The following RIF1 variants were observed in gnomAD, a reference collection of about 807,000 sequenced individuals.
RIF1 encodes replication timing regulatory factor 1.
A neutral mutation model predicts 247.1 loss-of-function variants in RIF1; 45 were observed. The observed-to-expected ratio is 0.18, with a 90% confidence interval of 0.14 to 0.23. The LOEUF (loss-of-function observed/expected upper bound fraction) is 0.23, where lower values mean the gene tolerates loss of function less well. Ranked by LOEUF, RIF1 falls within the 10% of genes least tolerant of loss-of-function variation. The pLI, the probability that RIF1 is intolerant of heterozygous loss-of-function variation, is 1.00. For synonymous variants in RIF1, 1,087 were observed against 978.8 expected (o/e 1.11, Z -2.06); for missense variants, 2,967 against 2,862.5 (o/e 1.04, Z -0.83).
chr2:151,469,697 T>C lies in RIF1; in HGVS notation c.6942-14T>C, dbSNP rs1697508087. 1.3e-6 allele frequency: 2 copies of C among 1,506,170 alleles called. No homozygotes were observed. The highest frequency in any genetic ancestry group is 2.8e-5 in the African/African-American group (2 of 70,822). 93.3% of individuals were successfully genotyped at this position (1,506,170 alleles called of 1,614,324 possible). A position where few individuals can be genotyped will look rare whatever the true frequency, so the allele number is the denominator to read the frequency against. ...AACTATATAATTATAATTTCCTGTT[T>C]CTGTTTTGTTTAGGGCAAGAGGCCT... On this transcript the variant is annotated splice_polypyrimidine_tract_variant and intron_variant, in intron 33 of 35. Transcript: ENST00000444746.
intron 6 of RIF1, among the ~76,000 whole-genome samples, chr2:151,418,895 G>A (rs1687670338): frequency 6.7e-6 from 1 of 149,382 alleles, no homozygotes; most frequent in East Asian, 2.0e-4. Context: ...AGAATACTTA[G>A]CTTAAAACAC....
intron 34 of RIF1, among the ~76,000 whole-genome samples, chr2:151,470,945 A>G (rs1697702513): frequency 6.6e-6 from 1 of 152,124 alleles, no homozygotes; most frequent in South Asian, 2.1e-4. Flanking sequence ...ATCGTGTAAA[A>G]TTCACCTACC....
chr2:151,453,935 A>C (rs542390744), intron 21 of RIF1, among the ~76,000 whole-genome samples: 3 of 152,280 alleles, frequency 2.0e-5, no homozygotes, highest in Admixed American at 2.0e-4. Flanking sequence ...TAATAGTGAG[A>C]AACCTGGTTT....
At chr2:151,489,281 T>G (rs2054038277) in intron 9 of RIF1, among the ~76,000 whole-genome samples, 1 of 152,218 alleles carries the variant, frequency 6.6e-6, no homozygotes, top group African/African-American at 2.4e-5. Context: ...GGTTTTAAAC[T>G]AAGAGTTGTG....
At chr2:151,429,620 C>T (rs1337144411) in intron 9 of RIF1, among the ~76,000 whole-genome samples, 2 of 152,148 alleles carry the variant, frequency 1.3e-5, no homozygotes, top group African/African-American at 4.8e-5. Context: ...GTCACATAAC[C>T]AGTAGATGAT....
the RIF1 span, chr2:151,516,615 A>G: frequency 8.5e-7 from 1 of 1,178,112 alleles, no homozygotes; most frequent in South Asian, 1.3e-5. Flanking sequence ...ATTCCTAGAC[A>G]GCAGTTTAAG....
chr2:151,507,296 G>A (rs1205320971), intron 13 of RIF1, among the ~76,000 whole-genome samples: 1 of 152,218 alleles, frequency 6.6e-6, no homozygotes, highest in Admixed American at 6.5e-5. Flanking sequence ...GGAAAGCAGT[G>A]ATAGTTCACA....
intron 10 of RIF1, among the ~76,000 whole-genome samples, chr2:151,498,792 G>A (rs2062157543): frequency 6.6e-6 from 1 of 151,894 alleles, no homozygotes; most frequent in Admixed American, 6.6e-5. Flanking sequence ...CTCTTCTTTT[G>A]TTCACTTTCA....
chr2:151,446,347 G>T, intron 19 of RIF1, 79 bp from the exon 20 acceptor site: 61 of 1,196,874 alleles, frequency 5.1e-5, no homozygotes, highest in Middle Eastern at 2.2e-4. Context: ...TTTAAAAAAT[G>T]TTAAAGATGT....
downstream of RIF1, among the ~76,000 whole-genome samples, chr2:151,508,903 C>T (rs892655588): frequency 6.6e-6 from 1 of 152,242 alleles, no homozygotes; most frequent in Non-Finnish European, 1.5e-5. Context: ...TGTTTTTATT[C>T]TCTGCAGCAG....
intron 15 of RIF1, among the ~76,000 whole-genome samples, chr2:151,441,004 C>T (rs897202354): frequency 9.9e-5 from 15 of 152,096 alleles, no homozygotes; most frequent in African/African-American, 3.6e-4. Flanking sequence ...CAGTATATTA[C>T]CACTGGGCAT....
chr2:151,443,609 T>C lies in RIF1; in HGVS notation c.1886T>C (p.Leu629Ser). 6.2e-7 allele frequency: 1 copy of C among 1,613,060 alleles called. No individual in the cohort carries two copies. Among genetic ancestry groups the C allele is most frequent in the Non-Finnish European group, 8.5e-7 (1 of 1,179,562 alleles). The change falls in exon 18 of 36, where the codon TTA becomes TCA. Residue 629 changes from leucine (L) to serine (S), a missense_variant. By Grantham distance (145) the Leu-to-Ser change is moderately radical. This residue lies in a region of RIF1 where 369 missense variants were observed against 322.0 expected (regional missense o/e 1.15). Transcript: ENST00000444746. ...CCACTAGCTTTCAGTGACTCAGTTT[T>C]AAATGTTATTAATCAAAATGCAAAG... ...TSPLAFSDSV[L>S]NVINQNAKQL...
At chr2:151,503,375 T>C (rs1559303644) in intron 12 of RIF1, 1 of 1,612,398 alleles carries the variant, frequency 6.2e-7, no homozygotes, top group Non-Finnish European at 8.5e-7. Flanking sequence ...TGATTGCGTT[T>C]GACTCTCTCA....
chr2:151,422,517 T>C (rs75936222), intron 7 of RIF1, among the ~76,000 whole-genome samples: 1 of 151,890 alleles, frequency 6.6e-6, no homozygotes, highest in Admixed American at 6.6e-5. Flanking sequence ...TTTTTTTTTT[T>C]TTGAGACAGT....
chr2:151,475,111 G>A lies in RIF1; in HGVS notation c.*40G>A. ...ATTGAAGGTTTTTTTAAACATCACT[G>A]GATTTCTTGATTGAGGAAACAAGTT... is the stretch of plus-strand genomic sequence containing the variant. On this transcript the variant is annotated 3_prime_UTR_variant, in exon 36 of 36. Coordinates refer to ENST00000444746, the MANE Select transcript of RIF1 (RefSeq NM_018151.5). 2 of 1,358,216 alleles carry A rather than the reference G, an allele frequency of 1.5e-6. No individual in the cohort carries two copies. Among genetic ancestry groups the A allele is most frequent in the East Asian group, 4.6e-5 (2 of 43,398 alleles). 84.1% of individuals were successfully genotyped at this position (1,358,216 alleles called of 1,614,324 possible).
chr2:151,512,642 C>A, downstream of RIF1: 1 of 953,348 alleles, frequency 1.0e-6, no homozygotes, highest in Admixed American at 2.1e-5. Context: ...AAAAACTGAT[C>A]TGAAGAATCT....
intron 6 of RIF1, among the ~76,000 whole-genome samples, chr2:151,419,155 C>A (rs1234945779): frequency 6.6e-6 from 1 of 151,826 alleles, no homozygotes; most frequent in Non-Finnish European, 1.5e-5. Flanking sequence ...ATGCTACCTT[C>A]TGGAGTATCT....
rs1341334782 is a variant in RIF1 at position 151,464,074 on chromosome 2, C to T, written c.4554C>T (p.Thr1518=). ...PENIKSEGDG[T]QDIVDKSSEK... is the part of the protein sequence containing the mutation. ...ACATTAAGTCTGAGGGGGATGGTAC[C>T]CAGGACATTGTAGATAAGTCCTCTG... is the stretch of plus-strand genomic sequence containing the variant. Residue 1518 remains threonine (T), a synonymous_variant, in exon 30 of 36, where the codon ACC becomes ACT. Transcript: ENST00000444746. 6.2e-6 allele frequency: 10 copies of T among 1,612,818 alleles called. No individual in the cohort carries two copies. Among genetic ancestry groups the T allele is most frequent in the East Asian group, 2.2e-5 (1 of 44,876 alleles).
At chr2:151,529,952 G>C in the RIF1 span, among the ~76,000 whole-genome samples, 1 of 152,134 alleles carries the variant, frequency 6.6e-6, no homozygotes, top group Admixed American at 6.5e-5. Flanking sequence ...ACTGCTGATG[G>C]AAGAGAAGCC....
Sources: allele counts gnomAD v4.1 joint callset (sites outside exome capture counted in the v4.1 genomes callset), GRCh38; gene constraint gnomAD v4.1.1; regional missense constraint gnomAD v4.1.1; transcripts MANE v1.5; gene names NCBI Gene and HGNC (gene_info 2026-07-23, HGNC 2026-07-21).